Variants in EPC2 observed in about 807,000 individuals in gnomAD.
The protein encoded by EPC2 is enhancer of polycomb 2.
In EPC2, 14 loss-of-function variants were observed where a neutral mutation model predicts 92.1. The observed-to-expected ratio is 0.15, with a 90% confidence interval of 0.10 to 0.24. EPC2 has a LOEUF of 0.24. Ranked by LOEUF, EPC2 falls within the 10% of genes least tolerant of loss-of-function variation. The probability of loss-of-function intolerance (pLI) is 1.00; values close to 1 mark genes in which losing one functional copy is unlikely to be tolerated. For missense variants in EPC2, 755 were observed against 971.5 expected (o/e 0.78, Z 2.96); for synonymous variants, 340 against 334.7 (o/e 1.02, Z -0.17).
At chr2:148,767,383 T>C (rs16829251) in intron 7 of EPC2, among the ~76,000 whole-genome samples, 22,826 of 152,038 alleles carry the variant, frequency 0.15, 2,520 homozygotes, top group East Asian at 0.46. Context: ...TAGTTTCCAG[T>C]TCCCATACCC....
intron 2 of EPC2, 115 bp downstream of exon 2, chr2:148,690,488 G>C: frequency 1.1e-6 from 1 of 931,632 alleles, no homozygotes; most frequent in South Asian, 2.1e-5. Flanking sequence ...CTGATTAATA[G>C]ATATGTTAAA....
intron 1 of EPC2, among the ~76,000 whole-genome samples, chr2:148,682,727 T>A (rs1462019899): frequency 6.6e-6 from 1 of 152,198 alleles, no homozygotes; most frequent in East Asian, 1.9e-4. Context: ...TACACAAGTA[T>A]AATGAATCTC....
At chr2:148,653,858 G>A (rs1319947485) in intron 1 of EPC2, among the ~76,000 whole-genome samples, 1 of 151,874 alleles carries the variant, frequency 6.6e-6, no homozygotes, top group African/African-American at 2.4e-5. Context: ...TGCCTTATGG[G>A]TGAGGTAAAT....
chr2:148,729,548 G>A (rs1682576963), intron 2 of EPC2, among the ~76,000 whole-genome samples: 1 of 152,036 alleles, frequency 6.6e-6, no homozygotes, highest in African/African-American at 2.4e-5. Flanking sequence ...ATGAAGTTGG[G>A]TATCTTTTCA....
chr2:148,768,262 A>G (rs1268223408), intron 7 of EPC2, among the ~76,000 whole-genome samples: 1 of 152,194 alleles, frequency 6.6e-6, no homozygotes, highest in East Asian at 1.9e-4. Context: ...AAGTACCAAA[A>G]CTTTTAAAAA....
At position 148,733,479 on chromosome 2, in the gene EPC2, ATTTTTTTTTTTTTTTTTTTT is replaced by A. The variant is rs34219179; in HGVS notation, c.314-10126_314-10107del. Among the ~76,000 whole-genome samples the A allele has an allele frequency of 9.4e-4, 25 of 26,682 alleles. No individual in the cohort carries two copies. In the East Asian group the frequency reaches 0.016, roughly 17 times the overall value. 17.5% of individuals were successfully genotyped at this position (26,682 alleles called of 152,430 possible). A position where few individuals can be genotyped will look rare whatever the true frequency, so the allele number is the denominator to read the frequency against. On this transcript the variant is annotated intron_variant, in intron 2 of 13. Coordinates refer to ENST00000258484, the MANE Select transcript of EPC2 (RefSeq NM_015630.4). ...CTTTCTCTTTTCTTTCTCTCTCTGG[ATTTTTTTTTTTTTTTTTTTT>A]TTTTTTTTTTTTTTTTGATACAGGG... is the stretch of plus-strand genomic sequence containing the variant.
intron 1 of EPC2, among the ~76,000 whole-genome samples, chr2:148,667,255 G>C (rs564539981): frequency 2.4e-4 from 37 of 152,304 alleles, no homozygotes; most frequent in African/African-American, 8.7e-4. Context: ...TAAGACCTCA[G>C]GGTCACATAG....
intron 2 of EPC2, among the ~76,000 whole-genome samples, chr2:148,713,658 T>C (rs192861606): frequency 6.6e-6 from 1 of 152,288 alleles, no homozygotes; most frequent in Non-Finnish European, 1.5e-5. Context: ...ATACAGTATA[T>C]ACCATTTTTT....
At chr2:148,762,334 T>G (rs1049864023) in intron 5 of EPC2, 1 of 202,596 alleles carries the variant, frequency 4.9e-6, no homozygotes, top group African/African-American at 2.4e-5. Flanking sequence ...TGTGCTCTAA[T>G]ATAGTATATT....
At chr2:148,682,332 C>G (rs998399886) in intron 1 of EPC2, among the ~76,000 whole-genome samples, 1 of 152,248 alleles carries the variant, frequency 6.6e-6, no homozygotes, top group African/African-American at 2.4e-5. Context: ...GTTTACACTC[C>G]CACCAACAGT....
chr2:148,751,363 A>AT (rs897658353), intron 3 of EPC2, among the ~76,000 whole-genome samples: 30 of 151,610 alleles, frequency 2.0e-4, no homozygotes, highest in African/African-American at 3.6e-4. Flanking sequence ...TGGTAGGATA[A>AT]TTTTTTTTTA....
intron 2 of EPC2, among the ~76,000 whole-genome samples, chr2:148,709,300 C>T (rs1682079716): frequency 6.6e-6 from 1 of 152,102 alleles, no homozygotes; most frequent in African/African-American, 2.4e-5. Flanking sequence ...ATGTGAAGGA[C>T]CTCTTCAAGG....
At chr2:148,739,551 GACTA>G (rs1332126123) in intron 2 of EPC2, among the ~76,000 whole-genome samples, 2 of 152,108 alleles carry the variant, frequency 1.3e-5, no homozygotes, top group African/African-American at 2.4e-5. Context: ...ACTAATTTTA[GACTA>G]ACTATATATA....
chr2:148,708,533 CACAA>C lies in EPC2; in HGVS notation c.313+18161_313+18164del, dbSNP rs1408878447. ...TCCTGATACCAAAGCCTGGCAGAGA[CACAA>C]CAAAAAAGGAGAATTTTAGACCAAT... On this transcript the variant is annotated intron_variant, in intron 2 of 13. Transcript: ENST00000258484. 9.4e-5 allele frequency among the ~76,000 whole-genome samples: 14 copies of C among 149,654 alleles called. No homozygotes were observed. In the South Asian group the frequency reaches 2.7e-3, roughly 29 times the overall value.
At chr2:148,714,290 A>G (rs960722600) in intron 2 of EPC2, among the ~76,000 whole-genome samples, 6 of 151,996 alleles carry the variant, frequency 3.9e-5, no homozygotes, top group Non-Finnish European at 8.8e-5. Flanking sequence ...TGGATGTAGC[A>G]CATTTGCATT....
At chr2:148,774,016 A>G (rs1268523621) in intron 10 of EPC2, among the ~76,000 whole-genome samples, 1 of 152,124 alleles carries the variant, frequency 6.6e-6, no homozygotes, top group Admixed American at 6.5e-5. Context: ...TTTTAAGAGT[A>G]ATAAGACAAA....
intron 1 of EPC2, among the ~76,000 whole-genome samples, chr2:148,681,777 T>A (rs1405856971): frequency 6.6e-6 from 1 of 152,188 alleles, no homozygotes; most frequent in Non-Finnish European, 1.5e-5. Flanking sequence ...ACATGCAGGT[T>A]TGTTACATAG....
intron 2 of EPC2, among the ~76,000 whole-genome samples, chr2:148,703,594 T>A (rs1681931578): frequency 6.6e-6 from 1 of 152,142 alleles, no homozygotes; most frequent in Non-Finnish European, 1.5e-5. Context: ...AGTGGTGTGA[T>A]CATGGTTCAC....
intron 1 of EPC2, among the ~76,000 whole-genome samples, chr2:148,682,014 G>A (rs762689911): frequency 2.0e-5 from 3 of 152,122 alleles, no homozygotes; most frequent in Non-Finnish European, 4.4e-5. Context: ...GAATGATGGT[G>A]TCCAGCTGCA....
Sources: gnomAD v4.1 joint callset for allele counts (sites outside exome capture counted in the v4.1 genomes callset) on GRCh38, gnomAD v4.1.1 for gene constraint, MANE v1.5 for transcripts, NCBI Gene and HGNC (gene_info 2026-07-23, HGNC 2026-07-21) for gene names.